Variants in CST3 observed in about 807,000 individuals in gnomAD.
The protein encoded by CST3 is cystatin-C.
CST3 carries 14 observed loss-of-function variants against 9.0 expected under a neutral mutation model. The ratio of observed to expected loss-of-function variants is 1.56; its 90% CI spans 1.03 to 2.44. The LOEUF is 2.44. Among genes scored for constraint, CST3 ranks in the 30% most tolerant of loss-of-function variants. The pLI, the probability that CST3 is intolerant of heterozygous loss-of-function variation, is 0.00. For missense variants in CST3, 237 were observed against 204.3 expected (o/e 1.16, Z -0.98); for synonymous variants, 96 against 90.2 (o/e 1.06, Z -0.37).
Position 23,637,920 on chromosome 20 carries a change from T to C in CST3, c.-58A>G. ...GCGCAGGCGAGAGGCTGGAGCTAGA[T>C]AGAGAGGACCCGCTGCGATACCGAG... On this transcript the variant is annotated 5_prime_UTR_variant, in exon 1 of 3. Transcript: ENST00000376925. 1 of 1,347,792 alleles carries C rather than the reference T, an allele frequency of 7.4e-7. No homozygotes were observed. Among genetic ancestry groups the C allele is most frequent in the Non-Finnish European group, 9.5e-7 (1 of 1,058,060 alleles). The allele number at this position is 1,347,792 out of a possible 1,614,324, so 83.5% of individuals were successfully genotyped here. A position where few individuals can be genotyped will look rare whatever the true frequency, so the allele number is the denominator to read the frequency against.
downstream of CST3, among the ~76,000 whole-genome samples, chr20:23,629,982 C>T (rs1274423800): frequency 2.0e-5 from 3 of 152,154 alleles, no homozygotes; most frequent in Admixed American, 6.5e-5. Flanking sequence ...AAGGGCTACA[C>T]GTTTGCAGAG....
At position 23,637,775 on chromosome 20, in the gene CST3, C is replaced by T. The variant is rs200245337; in HGVS notation, c.88G>A (p.Gly30Ser). 5.7e-4 allele frequency: 877 copies of T among 1,529,268 alleles called. 4 individuals are homozygous for T. The African/African-American group carries it at 0.011, about 20-fold the overall frequency. The allele number at this position is 1,529,268 out of a possible 1,614,324, so 94.7% of individuals were successfully genotyped here. Residue 30 changes from glycine to serine, a missense_variant, in exon 1 of 3, where the codon GGC becomes AGC. By Grantham distance (56) the Gly-to-Ser change is moderately conservative. Coordinates refer to ENST00000376925, the MANE Select transcript of CST3 (RefSeq NM_000099.4). ...AVSPAAGSSP[G>S]KPPRLVGGPM... is the part of the protein sequence containing the mutation. ...CCTCCCACTAGGCGCGGCGGCTTGCCGGGACTGGAGCCGGCCGCGGGGCTC... is the reference window on the plus strand; with the variant it reads ...CCTCCCACTAGGCGCGGCGGCTTGCTGGGACTGGAGCCGGCCGCGGGGCTC...
downstream of CST3, chr20:23,631,804 A>G (rs2122463634): frequency 6.6e-6 from 1 of 152,288 alleles, no homozygotes; most frequent in Non-Finnish European, 1.5e-5. Flanking sequence ...CCAGTGTAGA[A>G]CCAGATCAAT....
At chr20:23,628,226 G>C (rs1183190300) in exon 4 of CST3, 1 of 152,206 alleles carries the variant, frequency 6.6e-6, no homozygotes, top group South Asian at 2.1e-4. Flanking sequence ...GATAGAAAAA[G>C]GATGTCCAGA....
At position 23,637,765 on chromosome 20, in the gene CST3, G is replaced by C. The variant is rs375692362; in HGVS notation, c.98C>G (p.Pro33Arg). ...PAAGSSPGKP[P>R]RLVGGPMDAS... ...GTCCATGGGGCCTCCCACTAGGCGC[G>C]GCGGCTTGCCGGGACTGGAGCCGGC... is the stretch of plus-strand genomic sequence containing the variant. The change falls in exon 1 of 3, where the codon CCG becomes CGG. Residue 33 changes from proline (P) to arginine (R), a missense_variant. By Grantham distance (103) the Pro-to-Arg change is moderately radical (BLOSUM62 -2). Transcript: ENST00000376925. 2 of 1,529,580 alleles carry C rather than the reference G, an allele frequency of 1.3e-6. No homozygotes were observed. Among genetic ancestry groups the C allele is most frequent in the Admixed American group, 2.0e-5 (1 of 49,142 alleles). 94.8% of individuals were successfully genotyped at this position (1,529,580 alleles called of 1,614,324 possible). A position where few individuals can be genotyped will look rare whatever the true frequency, so the allele number is the denominator to read the frequency against.
Position 23,637,835 on chromosome 20 carries a change from G to C in CST3, c.28C>G (p.Leu10Val). ...GCCACGGCCAGGATGGCCAGCAGGA[G>C]CAGCGGGGCGCGCAGGGGCCCGGCC... The part of the protein sequence containing the change: MAGPLRAPL[L>V]LLAILAVALA... The change falls in exon 1 of 3, where the codon CTC (leucine) becomes GTC (valine). Residue 10 changes from leucine to valine, a missense_variant. Leu to Val is a conservative substitution (Grantham distance 32, BLOSUM62 1). Coordinates refer to ENST00000376925, the MANE Select transcript of CST3 (RefSeq NM_000099.4). 1 of 1,450,184 alleles carries C rather than the reference G, an allele frequency of 6.9e-7. No individual in the cohort carries two copies. Among genetic ancestry groups the C allele is most frequent in the Non-Finnish European group, 9.0e-7 (1 of 1,108,228 alleles). The allele number at this position is 1,450,184 out of a possible 1,614,324, so 89.8% of individuals were successfully genotyped here. A position where few individuals can be genotyped will look rare whatever the true frequency, so the allele number is the denominator to read the frequency against.
chr20:23,635,840 C>CT (rs1315916849), intron 1 of CST3, among the ~76,000 whole-genome samples: 6 of 152,148 alleles, frequency 3.9e-5, no homozygotes, highest in Non-Finnish European at 8.8e-5. Flanking sequence ...GCTTCCATTC[C>CT]AGGTGTGATT....
In CST3 at chr20:23,637,744, A is replaced by T; in HGVS notation, c.119T>A (p.Met40Lys). ...ACCCTCCTCCTCCACGCTGGCGTCC[A>T]TGGGGCCTCCCACTAGGCGCGGCGG... ...GKPPRLVGGP[M>K]DASVEEEGVR... is the part of the protein sequence containing the mutation. Residue 40 changes from methionine (M) to lysine (K), a missense_variant, in exon 1 of 3, where the codon ATG becomes AAG. By Grantham distance (95) the Met-to-Lys change is moderately conservative (BLOSUM62 -1). Coordinates refer to ENST00000376925, the MANE Select transcript of CST3 (RefSeq NM_000099.4). 1.3e-6 allele frequency: 2 copies of T among 1,539,032 alleles called. No homozygotes were observed. Among genetic ancestry groups the T allele is most frequent in the Non-Finnish European group, 1.7e-6 (2 of 1,143,778 alleles).
chr20:23,630,571 C>T (rs572805904), downstream of CST3, among the ~76,000 whole-genome samples: 2 of 152,296 alleles, frequency 1.3e-5, no homozygotes, highest in East Asian at 1.9e-4. Flanking sequence ...TCCTGGGCCT[C>T]GTCTCTCCAG....
chr20:23,637,641 C>T lies in CST3; in HGVS notation c.222G>A (p.Gln74=). Reference sequence around the variant, plus strand: ...GCACCTGCTTGCGGGCGCGCACCACCTGCAGCGCGCGGCTGTGGTACATGT... The same window carrying T: ...GCACCTGCTTGCGGGCGCGCACCACTTGCAGCGCGCGGCTGTGGTACATGT... ...SNDMYHSRAL[Q]VVRARKQIVA... The change falls in exon 1 of 3, where the codon CAG becomes CAA. Residue 74 remains glutamine (Q), a synonymous_variant. Coordinates refer to ENST00000376925, the MANE Select transcript of CST3 (RefSeq NM_000099.4). 1 of 1,526,228 alleles carries T rather than the reference C, an allele frequency of 6.6e-7. No homozygotes were observed. The highest frequency in any genetic ancestry group is 8.8e-7 in the Non-Finnish European group (1 of 1,137,714). 94.5% of individuals were successfully genotyped at this position (1,526,228 alleles called of 1,614,324 possible).
downstream of CST3, chr20:23,629,382 TG>T (rs1383262539): frequency 6.6e-6 from 1 of 152,250 alleles, no homozygotes; most frequent in Non-Finnish European, 1.5e-5. Flanking sequence ...ACAGAGCCTG[TG>T]GGGTAAACAC....
downstream of CST3, among the ~76,000 whole-genome samples, chr20:23,632,622 G>A (rs539931818): frequency 3.3e-5 from 5 of 152,320 alleles, no homozygotes; most frequent in East Asian, 9.7e-4. Flanking sequence ...TGGCCTTGGC[G>A]CTACTGGGGT....
intron 2 of CST3, 148 bp from the exon 3 acceptor site, chr20:23,634,147 C>T: frequency 1.4e-6 from 1 of 724,142 alleles, no homozygotes; most frequent in South Asian, 1.5e-5. Flanking sequence ...CCGCTGATCC[C>T]AGAGCACCGC....
downstream of CST3, chr20:23,629,323 G>A (rs924845017): frequency 1.3e-5 from 2 of 152,212 alleles, no homozygotes; most frequent in African/African-American, 4.8e-5. Context: ...GGTGTGTTTG[G>A]TAATGATGCC....
downstream of CST3, chr20:23,633,538 C>T (rs925825722): frequency 1.4e-4 from 55 of 386,746 alleles, no homozygotes; most frequent in African/African-American, 2.3e-4. Flanking sequence ...TTGCTGTGGC[C>T]GCGTCAGCTC....
chr20:23,632,810 A>G (rs1310578235), downstream of CST3, among the ~76,000 whole-genome samples: 1 of 152,212 alleles, frequency 6.6e-6, no homozygotes, highest in Non-Finnish European at 1.5e-5. Context: ...GCTGTGTCTT[A>G]GGACTGTAGC....
chr20:23,635,219 G>A, intron 2 of CST3, 35 bp downstream of exon 2: 1 of 1,549,876 alleles, frequency 6.5e-7, no homozygotes, highest in Non-Finnish European at 8.9e-7. Context: ...CCTCTGCAGT[G>A]TATGACTGGC....
At chr20:23,636,345 G>A (rs1274344468) in intron 1 of CST3, among the ~76,000 whole-genome samples, 1 of 152,196 alleles carries the variant, frequency 6.6e-6, no homozygotes, top group Non-Finnish European at 1.5e-5. Context: ...AGCTGGGCCT[G>A]GTAGCCCTAC....
exon 4 of CST3, chr20:23,627,810 C>T (rs777481831): frequency 6.6e-5 from 10 of 152,114 alleles, no homozygotes; most frequent in Admixed American, 2.0e-4. Flanking sequence ...TGGCTATTTA[C>T]ATATCTTCTT....
Sources: allele counts gnomAD v4.1 joint callset (sites outside exome capture counted in the v4.1 genomes callset), GRCh38; gene constraint gnomAD v4.1.1; transcripts MANE v1.5; gene names NCBI Gene and HGNC (gene_info 2026-07-23, HGNC 2026-07-21).